DMGDH: variants seen among roughly 807,000 people sequenced by gnomAD.
The protein encoded by DMGDH is dimethylglycine dehydrogenase, mitochondrial.
DMGDH carries 76 observed loss-of-function variants against 95.2 expected under a neutral mutation model. The ratio of observed to expected loss-of-function variants is 0.80; its 90% CI spans 0.66 to 0.97. The LOEUF is 0.97. Among genes scored for constraint, DMGDH ranks in the 50% least tolerant of loss-of-function variants. The probability of loss-of-function intolerance (pLI) is 0.00; values close to 1 mark genes in which losing one functional copy is unlikely to be tolerated. For missense variants in DMGDH, 987 were observed against 1,055.0 expected, an observed-to-expected ratio of 0.94 and a Z score of 0.89; for synonymous variants, 345 against 377.6, an observed-to-expected ratio of 0.91 and a Z score of 1.00.
rs2112687394 is a variant in DMGDH, at chr5:79,069,519, C to A, written c.101+1G>T. The A allele has an allele frequency of 2.3e-6, 3 of 1,287,644 alleles. No individual in the cohort carries two copies. Among genetic ancestry groups the A allele is most frequent in the African/African-American group, 1.5e-5 (1 of 64,968 alleles). The allele number at this position is 1,287,644 out of a possible 1,614,324, so 79.8% of individuals were successfully genotyped here. On this transcript the variant is annotated splice_donor_variant, in intron 1 of 15. Coordinates refer to ENST00000255189, the MANE Select transcript of DMGDH (RefSeq NM_013391.3). LOFTEE classifies it high-confidence loss of function. ...TCTGAGCAGGACGGGGCCCCACTCA[C>A]CCTTCCCGGCCGCAGACAGAGCGCG...
rs143973909 is a variant in DMGDH, at chr5:79,044,357, C to A, written c.941G>T (p.Ser314Ile). The change falls in exon 6 of 16, where the codon AGT becomes ATT. Residue 314 changes from serine to isoleucine, a missense_variant. Transcript: ENST00000255189. ...RDGLLFGPYESQEKMKVQDSW... is the reference protein window; with the variant it reads ...RDGLLFGPYEIQEKMKVQDSW... ...GTCCTGAACTTTCATTTTCTCTTGACTTTCATATGGACCAAACAAAAGCCC... is the reference window on the plus strand; with the variant it reads ...GTCCTGAACTTTCATTTTCTCTTGAATTTCATATGGACCAAACAAAAGCCC... 8.1e-6 allele frequency: 13 copies of A among 1,614,070 alleles called. No homozygotes were observed. Among genetic ancestry groups the A allele is most frequent in the Non-Finnish European group, 1.0e-5 (12 of 1,180,020 alleles).
chr5:79,031,984 T>C (rs1754188963), intron 9 of DMGDH, among the ~76,000 whole-genome samples: 1 of 152,210 alleles, frequency 6.6e-6, no homozygotes, highest in East Asian at 1.9e-4. Context: ...AGTCTTAAAA[T>C]AGCAAAACCT....
chr5:79,000,341 A>G (rs1753432552), intron 15 of DMGDH: 4 of 665,904 alleles, frequency 6.0e-6, no homozygotes, highest in African/African-American at 5.4e-5. Flanking sequence ...TCCTGTAAGA[A>G]GGTCTGTTTA....
intron 5 of DMGDH, among the ~76,000 whole-genome samples, chr5:79,047,599 C>T (rs1049159191): frequency 2.6e-5 from 4 of 152,094 alleles, no homozygotes; most frequent in Admixed American, 6.5e-5. Context: ...TAGTACCTGC[C>T]CGCGTCCCTG....
chr5:79,049,709 T>C (rs1329997311), intron 5 of DMGDH, among the ~76,000 whole-genome samples: 2 of 152,216 alleles, frequency 1.3e-5, no homozygotes, highest in Non-Finnish European at 2.9e-5. Context: ...TAAGAGAGGA[T>C]AGTGTCAGAT....
chr5:79,011,369 A>T (rs1405603792), intron 14 of DMGDH, among the ~76,000 whole-genome samples: 1 of 152,154 alleles, frequency 6.6e-6, no homozygotes, highest in Non-Finnish European at 1.5e-5. Context: ...AAGCTTCTCA[A>T]CTCTTGGTTC....
intron 14 of DMGDH, among the ~76,000 whole-genome samples, chr5:79,007,210 A>G (rs188126247): frequency 6.6e-6 from 1 of 152,370 alleles, no homozygotes; most frequent in Admixed American, 6.5e-5. Context: ...ATAACAAACC[A>G]AAGTTCACTA....
At chr5:79,062,096 A>T (rs905417068) in intron 2 of DMGDH, among the ~76,000 whole-genome samples, 1 of 151,978 alleles carries the variant, frequency 6.6e-6, no homozygotes, top group African/African-American at 2.4e-5. Flanking sequence ...TGCCTAAATG[A>T]TCTTTCCAGA....
chr5:79,024,866 T>C lies in DMGDH; in HGVS notation c.2191-536A>G, dbSNP rs115151658. ...GCTACCAAGTCAGGGCTAACGCCAA[T>C]ATTTGGTAATAGACCTGAAGTTAAT... On this transcript the variant is annotated intron_variant, in intron 13 of 15. Transcript: ENST00000255189. Among the ~76,000 whole-genome samples the C allele has an allele frequency of 8.0e-3, 1,216 of 152,356 alleles. 13 individuals carry two copies. Among genetic ancestry groups the C allele is most frequent in the African/African-American group, 0.028 (1,154 of 41,584 alleles).
At chr5:79,000,537 T>C in intron 15 of DMGDH, 1 of 587,658 alleles carries the variant, frequency 1.7e-6, no homozygotes, top group East Asian at 4.2e-5. Context: ...ATTCTATTTC[T>C]CTTTGATTTT....
chr5:79,064,684 T>C (rs1282955204), intron 1 of DMGDH, among the ~76,000 whole-genome samples: 1 of 152,144 alleles, frequency 6.6e-6, no homozygotes, highest in African/African-American at 2.4e-5. Flanking sequence ...AGAAATATTT[T>C]ATTTCTTTAT....
chr5:79,017,466 A>G (rs1038663920), intron 14 of DMGDH, among the ~76,000 whole-genome samples: 10 of 152,240 alleles, frequency 6.6e-5, no homozygotes, highest in African/African-American at 2.2e-4. Flanking sequence ...ACATCACTAC[A>G]TATCTCTTAG....
At chr5:79,049,284 G>GT (rs56922040) in intron 5 of DMGDH, among the ~76,000 whole-genome samples, 14,291 of 152,190 alleles carry the variant, frequency 0.094, 1,633 homozygotes, top group African/African-American at 0.27. Flanking sequence ...GAAAAAAAAT[G>GT]TATTACAATG....
intron 5 of DMGDH, among the ~76,000 whole-genome samples, chr5:79,049,068 G>A (rs927171614): frequency 2.6e-5 from 4 of 152,156 alleles, no homozygotes; most frequent in African/African-American, 9.7e-5. Context: ...CCTAATACCA[G>A]GGACTTGTTT....
Position 79,038,263 on chromosome 5 carries a change from C to T in DMGDH, c.1193+4020G>A, listed in dbSNP as rs371596698. 7.6e-4 allele frequency among the ~76,000 whole-genome samples: 116 copies of T among 152,118 alleles called. 1 individual carries two copies. The highest frequency in any genetic ancestry group is 2.6e-3 in the African/African-American group (109 of 41,486). The stretch of plus-strand genomic sequence containing the variant: ...CTTTGGGGGGTCGAGGTGGGTGGAT[C>T]ACTTGAGGTCAGGAGTTTGAGACCA... On this transcript the variant is annotated intron_variant, in intron 7 of 15. Transcript: ENST00000255189.
intron 15 of DMGDH, among the ~76,000 whole-genome samples, chr5:79,001,511 C>T (rs1420768766): frequency 6.6e-6 from 1 of 152,040 alleles, no homozygotes; most frequent in Admixed American, 6.6e-5. Context: ...TTTTCATTTC[C>T]CCATCTGTAA....
intron 12 of DMGDH, among the ~76,000 whole-genome samples, chr5:79,027,824 C>G (rs1418778409): frequency 6.7e-6 from 1 of 150,340 alleles, no homozygotes; most frequent in Non-Finnish European, 1.5e-5. Flanking sequence ...TTCAGCCAAT[C>G]CTCTTCCCCA....
chr5:79,013,511 T>A (rs1753679663), intron 14 of DMGDH, among the ~76,000 whole-genome samples: 1 of 152,234 alleles, frequency 6.6e-6, no homozygotes. Context: ...GTTCCAAAGC[T>A]GCTTCCACAT....
Position 79,054,295 on chromosome 5 carries a change from C to A in DMGDH, c.429G>T (p.Arg143Ser). ...GSIRLATTPVRVDEFKYQMTR... is the reference protein window; with the variant it reads ...GSIRLATTPVSVDEFKYQMTR... ...TCATTTGATATTTAAATTCATCTAC[C>A]CTTACAGGGGTGGTAGCAAGTCTGA... The change falls in exon 4 of 16, where the codon AGG (arginine) becomes AGT (serine). Residue 143 changes from arginine (R) to serine (S), a missense_variant. Coordinates refer to ENST00000255189, the MANE Select transcript of DMGDH (RefSeq NM_013391.3). The A allele has an allele frequency of 6.2e-7, 1 of 1,613,998 alleles. No homozygotes were observed. The highest frequency in any genetic ancestry group is 2.2e-5 in the East Asian group (1 of 44,872).
Sources: allele counts gnomAD v4.1 joint callset (sites outside exome capture counted in the v4.1 genomes callset), GRCh38; gene constraint gnomAD v4.1.1; transcripts MANE v1.5; gene names NCBI Gene and HGNC (gene_info 2026-07-23, HGNC 2026-07-21).